The following TAGLN2 variants were observed in gnomAD, a reference collection of about 807,000 sequenced individuals.
The protein encoded by TAGLN2 is transgelin 2.
Under a neutral mutation model 24.9 loss-of-function variants are expected in TAGLN2, and 14 were observed. The ratio of observed to expected loss-of-function variants is 0.56; its 90% CI spans 0.37 to 0.88. The LOEUF is 0.88. TAGLN2 is among the 40% of genes least tolerant of loss of function. The probability of loss-of-function intolerance (pLI) is 0.00; values close to 1 mark genes in which losing one functional copy is unlikely to be tolerated. For synonymous variants in TAGLN2, 77 were observed against 98.2 expected, an observed-to-expected ratio of 0.78 and a Z score of 1.28; for missense variants, 208 against 258.9, an observed-to-expected ratio of 0.80 and a Z score of 1.35.
At position 159,918,809 on chromosome 1, in the gene TAGLN2, C is replaced by A; in HGVS notation, c.591G>T (p.Gln197His). 1 of 1,614,104 alleles carries A rather than the reference C, an allele frequency of 6.2e-7. No homozygotes were observed. The highest frequency in any genetic ancestry group is 8.5e-7 in the Non-Finnish European group (1 of 1,179,958). ...AGMTGYGMPR[Q>H]IL ...AAGGCCTGGGGTGGGATCAGAGGAT[C>A]TGGCGTGGCATCCCGTAGCCAGTCA... is the stretch of plus-strand genomic sequence containing the variant. The change falls in exon 5 of 5, where the codon CAG (glutamine) becomes CAT (histidine). Residue 197 changes from glutamine to histidine, a missense_variant. Gln to His is a conservative substitution (Grantham distance 24). Transcript: ENST00000368097.
intron 1 of TAGLN2, chr1:159,924,544 G>C (rs1410549491): frequency 1.3e-5 from 2 of 152,320 alleles, no homozygotes; most frequent in Admixed American, 6.5e-5. Context: ...ACAGGGCGCG[G>C]GGGGAGGCGG....
intron 1 of TAGLN2, chr1:159,923,332 G>T (rs1486194760): frequency 1.3e-5 from 18 of 1,350,784 alleles, no homozygotes; most frequent in Non-Finnish European, 1.7e-5. Flanking sequence ...TACTGCAGCT[G>T]TGAGAACAAC....
At chr1:159,923,019 G>C (rs983866675) in intron 1 of TAGLN2, among the ~76,000 whole-genome samples, 1 of 152,236 alleles carries the variant, frequency 6.6e-6, no homozygotes, top group Non-Finnish European at 1.5e-5. Context: ...AGAAGGGGCA[G>C]TTCCAACCAG....
At chr1:159,924,696 G>C (rs1366463682) in intron 1 of TAGLN2, 1 of 151,752 alleles carries the variant, frequency 6.6e-6, no homozygotes, top group Non-Finnish European at 1.5e-5. Flanking sequence ...CAGCCCGCCC[G>C]TCCGCCCGCG....
At chr1:159,921,097 C>T (rs150409415) in intron 1 of TAGLN2, among the ~76,000 whole-genome samples, 4 of 152,198 alleles carry the variant, frequency 2.6e-5, no homozygotes, top group African/African-American at 7.2e-5. Flanking sequence ...GCAAACAAAT[C>T]GAATTTCCTA....
chr1:159,918,683 C>A lies in TAGLN2; in HGVS notation c.*117G>T. 1.4e-6 allele frequency: 2 copies of A among 1,436,072 alleles called. No individual in the cohort carries two copies. Among genetic ancestry groups the A allele is most frequent in the African/African-American group, 1.4e-5 (1 of 70,734 alleles). 89.0% of individuals were successfully genotyped at this position (1,436,072 alleles called of 1,614,324 possible). ...GTGACAGGACAGGCTGAACCCCCCA[C>A]CCTGACAGAAAGGAGCTTGAGAGCT... On this transcript the variant is annotated 3_prime_UTR_variant, in exon 5 of 5. Transcript: ENST00000368097.
At chr1:159,921,021 G>A (rs767220482) in intron 1 of TAGLN2, among the ~76,000 whole-genome samples, 10 of 152,106 alleles carry the variant, frequency 6.6e-5, no homozygotes, top group South Asian at 2.1e-4. Context: ...AGAAGCAGAC[G>A]GGCAGAAGCA....
chr1:159,920,203 C>T (rs1295581405), intron 2 of TAGLN2, 127 bp downstream of exon 2: 11 of 1,492,926 alleles, frequency 7.4e-6, no homozygotes, highest in African/African-American at 2.8e-5. Context: ...CAAAGGCCTT[C>T]AAGCTGAGGA....
intron 1 of TAGLN2, among the ~76,000 whole-genome samples, chr1:159,923,231 G>A (rs1222998660): frequency 6.6e-6 from 1 of 152,248 alleles, no homozygotes; most frequent in African/African-American, 2.4e-5. Context: ...AGACAGGTGT[G>A]GGGGACCCCC....
At chr1:159,924,188 G>A (rs918361303) in intron 1 of TAGLN2, among the ~76,000 whole-genome samples, 1 of 152,166 alleles carries the variant, frequency 6.6e-6, no homozygotes, top group Admixed American at 6.5e-5. Flanking sequence ...GGGGACAGGG[G>A]CAGAGGCCTT....
chr1:159,919,256 T>C lies in TAGLN2; in HGVS notation c.458+18A>G. The stretch of plus-strand genomic sequence containing the variant: ...CAATGCACCTGCTGGACCCTGCGGC[T>C]GTCCCAGCAATACTTACTTAGGGAA... On this transcript the variant is annotated intron_variant, in intron 4 of 4. Coordinates refer to ENST00000368097, the MANE Select transcript of TAGLN2 (RefSeq NM_003564.3). 1 of 1,604,390 alleles carries C rather than the reference T, an allele frequency of 6.2e-7. No individual in the cohort carries two copies. Among genetic ancestry groups the C allele is most frequent in the Non-Finnish European group, 8.5e-7 (1 of 1,171,148 alleles).
At position 159,918,919 on chromosome 1, in the gene TAGLN2, T is replaced by A; in HGVS notation, c.481A>T (p.Asn161Tyr). ...FPKKSKENPR[N>Y]FSDNQLQEGK... is the part of the protein sequence containing the mutation. The stretch of plus-strand genomic sequence containing the variant: ...TCTTGCAGCTGGTTATCCGAGAAGT[T>A]CCGAGGATTCTCCTTGGATTTCCTG... The change falls in exon 5 of 5, where the codon AAC becomes TAC. Residue 161 changes from asparagine (N) to tyrosine (Y), a missense_variant. Transcript: ENST00000368097. 1 of 1,614,150 alleles carries A rather than the reference T, an allele frequency of 6.2e-7. No homozygotes were observed. The highest frequency in any genetic ancestry group is 1.1e-5 in the South Asian group (1 of 91,082).
At position 159,919,676 on chromosome 1, in the gene TAGLN2, C is replaced by T; in HGVS notation, c.340G>A (p.Val114Met). ...CCTGTCCCACCTTCCCAGAGGTCCA[C>T]AGTTTGGAAGATGTCAGTGGTGTTA... The part of the protein sequence containing the change: ...GINTTDIFQT[V>M]DLWEGKNMAC... The change falls in exon 3 of 5, where the codon GTG becomes ATG. Residue 114 changes from valine (V) to methionine (M), a missense_variant. Val to Met is a conservative substitution (Grantham distance 21). Coordinates refer to ENST00000368097, the MANE Select transcript of TAGLN2 (RefSeq NM_003564.3). 1.9e-6 allele frequency: 3 copies of T among 1,612,962 alleles called. No homozygotes were observed. Among genetic ancestry groups the T allele is most frequent in the Non-Finnish European group, 2.5e-6 (3 of 1,179,826 alleles).
At chr1:159,924,521 A>G (rs1215776072) in intron 1 of TAGLN2, 2 of 152,308 alleles carry the variant, frequency 1.3e-5, no homozygotes, top group Non-Finnish European at 2.9e-5. Context: ...GGCTTCAGGT[A>G]GCCCCAGGAG....
chr1:159,920,553 A>C lies in TAGLN2; in HGVS notation c.-28-16T>G, dbSNP rs1290925982. 1.9e-6 allele frequency: 3 copies of C among 1,605,838 alleles called. No individual in the cohort carries two copies. The highest frequency in any genetic ancestry group is 2.6e-6 in the Non-Finnish European group (3 of 1,174,248). On this transcript the variant is annotated splice_polypyrimidine_tract_variant and intron_variant, in intron 1 of 4. Coordinates refer to ENST00000368097, the MANE Select transcript of TAGLN2 (RefSeq NM_003564.3). ...CTGCGGGGAGCTAGGGAGAGGACAC[A>C]CCCGGGCTTTTGGTCAACACCTTGC...
At position 159,919,597 on chromosome 1, in the gene TAGLN2, A is replaced by G. The variant is rs1345600251; in HGVS notation, c.355+64T>C. 1.4e-5 allele frequency: 22 copies of G among 1,583,078 alleles called. No individual in the cohort carries two copies. In the East Asian group the frequency reaches 4.9e-4, roughly 36 times the overall value. On this transcript the variant is annotated intron_variant, in intron 3 of 4. Transcript: ENST00000368097. ...AGAAAACAGCCCCTTCTGCCTGGTC[A>G]AGAGGGCCCAGCCCAATCTCTGGCC... is the stretch of plus-strand genomic sequence containing the variant.
At chr1:159,919,409 G>A (rs748575134) in intron 3 of TAGLN2, 33 bp from the exon 4 acceptor site, 67 of 1,600,004 alleles carry the variant, frequency 4.2e-5, no homozygotes, top group East Asian at 6.7e-5. Context: ...GTCAGCCTCC[G>A]CAGTGTCCTA....
chr1:159,924,211 G>A (rs1456534807), intron 1 of TAGLN2, among the ~76,000 whole-genome samples: 1 of 152,092 alleles, frequency 6.6e-6, no homozygotes, highest in Non-Finnish European at 1.5e-5. Context: ...GGTGAGGGAG[G>A]GAGTTGCGGT....
intron 4 of TAGLN2, 90 bp from the exon 5 acceptor site, chr1:159,919,031 T>C: frequency 6.4e-7 from 1 of 1,567,032 alleles, no homozygotes; most frequent in Non-Finnish European, 8.7e-7. Context: ...TGCTGTTGGC[T>C]CAAGGGCTGG....
Sources: gnomAD v4.1 joint callset for allele counts (sites outside exome capture counted in the v4.1 genomes callset) on GRCh38, gnomAD v4.1.1 for gene constraint, MANE v1.5 for transcripts, NCBI Gene and HGNC (gene_info 2026-07-23, HGNC 2026-07-21) for gene names.